PDE1C: variants seen among roughly 807,000 people sequenced by gnomAD.
PDE1C encodes the protein dual specificity calcium/calmodulin-dependent 3',5'-cyclic nucleotide phosphodiesterase 1C.
Under a neutral mutation model 93.1 loss-of-function variants are expected in PDE1C, and 62 were observed. That is an observed-to-expected ratio of 0.67 (90% CI 0.54 to 0.82). The LOEUF (loss-of-function observed/expected upper bound fraction) is 0.82, where lower values mean the gene tolerates loss of function less well. PDE1C is among the 40% of genes least tolerant of loss of function. The pLI is 0.00. For synonymous variants in PDE1C, 325 were observed against 310.1 expected, an observed-to-expected ratio of 1.05 and a Z score of -0.50; for missense variants, 742 against 884.6, an observed-to-expected ratio of 0.84 and a Z score of 2.04.
intron 3 of PDE1C, among the ~76,000 whole-genome samples, chr7:32,093,272 C>G (rs571835013): frequency 1.3e-5 from 2 of 152,198 alleles, no homozygotes; most frequent in Non-Finnish European, 2.9e-5. Flanking sequence ...GAATTTACTG[C>G]AGAGCATTAA....
At chr7:32,036,237 A>G (rs30571) in intron 2 of PDE1C, among the ~76,000 whole-genome samples, 105,133 of 152,064 alleles carry the variant, frequency 0.69, 36,722 homozygotes, top group East Asian at 0.79. Context: ...ACATTCATTC[A>G]TTCATTCACC....
chr7:31,760,626 T>G (rs1205641885), intron 17 of PDE1C, among the ~76,000 whole-genome samples: 1 of 152,116 alleles, frequency 6.6e-6, no homozygotes, highest in Non-Finnish European at 1.5e-5. Context: ...TTGAGTAAAT[T>G]CTAATATTGG....
chr7:32,120,123 C>T (rs1019684126), intron 3 of PDE1C, among the ~76,000 whole-genome samples: 10 of 152,192 alleles, frequency 6.6e-5, no homozygotes, highest in African/African-American at 1.9e-4. Context: ...CTGTGTTAGA[C>T]GGCGGCCAGA....
At chr7:32,416,597 C>T (rs1377685583) in intron 1 of PDE1C, among the ~76,000 whole-genome samples, 1 of 152,146 alleles carries the variant, frequency 6.6e-6, no homozygotes, top group African/African-American at 2.4e-5. Context: ...TCCCCTGCCA[C>T]CCACCCATTC....
chr7:32,041,428 C>T (rs62457493), intron 2 of PDE1C, among the ~76,000 whole-genome samples: 28,968 of 152,032 alleles, frequency 0.19, 3,999 homozygotes, highest in African/African-American at 0.39. Context: ...ATCATTCCAG[C>T]CCCCTCTCCT....
intron 11 of PDE1C, among the ~76,000 whole-genome samples, chr7:31,835,996 CTT>C (rs2128762545): frequency 6.6e-6 from 1 of 152,302 alleles, no homozygotes; most frequent in African/African-American, 2.4e-5. Flanking sequence ...GAAGTTGTGA[CTT>C]GTGTTATTAA....
chr7:32,239,705 G>A (rs539181004), intron 1 of PDE1C, among the ~76,000 whole-genome samples: 1 of 152,290 alleles, frequency 6.6e-6, no homozygotes, highest in South Asian at 2.1e-4. Flanking sequence ...TAGAGGACAG[G>A]GAGAGAAATG....
At chr7:31,963,654 T>C (rs1001692460) in intron 2 of PDE1C, among the ~76,000 whole-genome samples, 1 of 152,214 alleles carries the variant, frequency 6.6e-6, no homozygotes, top group African/African-American at 2.4e-5. Flanking sequence ...GATTTTCTTA[T>C]AAGGATTAAA....
At chr7:31,760,287 G>A (rs1034125988) in intron 17 of PDE1C, among the ~76,000 whole-genome samples, 1 of 152,092 alleles carries the variant, frequency 6.6e-6, no homozygotes, top group African/African-American at 2.4e-5. Flanking sequence ...GAGTGAAAAC[G>A]CCTTCAGAAA....
intron 1 of PDE1C, among the ~76,000 whole-genome samples, chr7:32,234,838 T>C (rs1265067298): frequency 6.6e-6 from 1 of 152,006 alleles, no homozygotes; most frequent in African/African-American, 2.4e-5. Flanking sequence ...CACAAGCTAA[T>C]GTCTTTCATG....
chr7:31,711,999 T>C, the PDE1C span, among the ~76,000 whole-genome samples: 1 of 152,176 alleles, frequency 6.6e-6, no homozygotes, highest in Non-Finnish European at 1.5e-5. Flanking sequence ...GATCTGCTCG[T>C]CCTCTAGAGC....
At chr7:31,689,426 G>A in the PDE1C span, among the ~76,000 whole-genome samples, 2 of 152,178 alleles carry the variant, frequency 1.3e-5, no homozygotes, top group African/African-American at 4.8e-5. Flanking sequence ...GTTACAGGGA[G>A]ATGATGAAAC....
intron 2 of PDE1C, among the ~76,000 whole-genome samples, chr7:31,965,626 CGAGAA>C (rs1390576649): frequency 2.0e-5 from 3 of 151,988 alleles, no homozygotes; most frequent in Admixed American, 6.6e-5. Flanking sequence ...AGATACTCCT[CGAGAA>C]GAGCAATTCC....
intron 1 of PDE1C, among the ~76,000 whole-genome samples, chr7:32,250,973 T>C (rs1296411674): frequency 1.3e-5 from 2 of 152,242 alleles, no homozygotes; most frequent in Non-Finnish European, 2.9e-5. Flanking sequence ...GCGACATTTG[T>C]ACAAGTCAAG....
intron 3 of PDE1C, among the ~76,000 whole-genome samples, chr7:32,109,526 G>A (rs1798529869): frequency 6.6e-6 from 1 of 152,074 alleles, no homozygotes; most frequent in Non-Finnish European, 1.5e-5. Flanking sequence ...AGGATGTTTA[G>A]CCACATCCTG....
intron 2 of PDE1C, among the ~76,000 whole-genome samples, chr7:31,914,301 A>G (rs1358035594): frequency 4.6e-5 from 7 of 152,220 alleles, no homozygotes; most frequent in African/African-American, 1.7e-4. Flanking sequence ...CAAGACAAAT[A>G]TAATAGCTTG....
intron 2 of PDE1C, among the ~76,000 whole-genome samples, chr7:31,997,796 T>C (rs1021711223): frequency 6.6e-5 from 10 of 152,160 alleles, no homozygotes; most frequent in Non-Finnish European, 1.3e-4. Flanking sequence ...GATAAAGCCA[T>C]TTCTTTGTCT....
intron 1 of PDE1C, among the ~76,000 whole-genome samples, chr7:32,383,460 T>C (rs1784569488): frequency 6.6e-6 from 1 of 152,102 alleles, no homozygotes; most frequent in South Asian, 2.1e-4. Flanking sequence ...ACTAATGAGG[T>C]CTCTTCTAGA....
chr7:31,775,456 G>A (rs1448849477), intron 17 of PDE1C, among the ~76,000 whole-genome samples: 1 of 152,148 alleles, frequency 6.6e-6, no homozygotes, highest in East Asian at 1.9e-4. Context: ...AGGTGAGGGG[G>A]ACGATTGTGA....
Sources: gnomAD v4.1 joint callset for allele counts (sites outside exome capture counted in the v4.1 genomes callset) on GRCh38, gnomAD v4.1.1 for gene constraint, MANE v1.5 for transcripts, NCBI Gene and HGNC (gene_info 2026-07-23, HGNC 2026-07-21) for gene names.